The following GRAP2 variants were observed in gnomAD, a reference collection of about 807,000 sequenced individuals.
GRAP2 encodes GRB2 related adaptor protein 2.
In GRAP2, 31 loss-of-function variants were observed where a neutral mutation model predicts 43.5. The observed-to-expected ratio is 0.71, with a 90% CI of 0.54 to 0.96. GRAP2 has a LOEUF of 0.96. Ranked by LOEUF, GRAP2 falls within the 40% of genes least tolerant of loss-of-function variation. The pLI is 0.00. For missense variants in GRAP2, 371 were observed against 424.4 expected, an observed-to-expected ratio of 0.87 and a Z score of 1.11; for synonymous variants, 156 against 164.8, an observed-to-expected ratio of 0.95 and a Z score of 0.41.
In GRAP2 at chr22:39,969,327, G is replaced by A. The variant is rs138797975; in HGVS notation, c.691-84G>A. On this transcript the variant is annotated intron_variant, in intron 6 of 7. Transcript: ENST00000344138. ...ATTCCTGGAATATACCGGCTCTGTGGATGGCATCTGAGCAAGGCACTGGGG... is the reference window on the plus strand; with the variant it reads ...ATTCCTGGAATATACCGGCTCTGTGAATGGCATCTGAGCAAGGCACTGGGG... 7.6e-6 allele frequency: 11 copies of A among 1,449,838 alleles called. No homozygotes were observed. The African/African-American group carries it at 1.4e-4, about 18-fold the overall frequency. The allele number at this position is 1,449,838 out of a possible 1,614,324, so 89.8% of individuals were successfully genotyped here. A position where few individuals can be genotyped will look rare whatever the true frequency, so the allele number is the denominator to read the frequency against.
intron 2 of GRAP2, among the ~76,000 whole-genome samples, chr22:39,949,701 G>A (rs1053557673): frequency 6.6e-6 from 1 of 152,156 alleles, no homozygotes; most frequent in African/African-American, 2.4e-5. Context: ...AGCAAGTGGA[G>A]GTAGTATCCA....
chr22:39,965,027 G>C (rs2067158009), intron 4 of GRAP2, among the ~76,000 whole-genome samples: 1 of 152,240 alleles, frequency 6.6e-6, no homozygotes, highest in Non-Finnish European at 1.5e-5. Flanking sequence ...ACCTCTGTGA[G>C]CCTCAGTGTC....
At chr22:39,944,375 G>A (rs866059960) in intron 1 of GRAP2, among the ~76,000 whole-genome samples, 1 of 152,140 alleles carries the variant, frequency 6.6e-6, no homozygotes, top group Non-Finnish European at 1.5e-5. Flanking sequence ...ACTACTAGGG[G>A]TGCTTCAAGG....
intron 2 of GRAP2, among the ~76,000 whole-genome samples, chr22:39,953,688 C>T (rs888747600): frequency 7.2e-5 from 11 of 152,222 alleles, no homozygotes; most frequent in African/African-American, 2.2e-4. Context: ...GAGCTCACTA[C>T]AGCCTTTAAC....
At chr22:39,960,525 G>A in intron 4 of GRAP2, 2 of 217,416 alleles carry the variant, frequency 9.2e-6, no homozygotes, top group Non-Finnish European at 1.9e-5. Context: ...TGGAAGGAAG[G>A]AGGGATAGGA....
chr22:39,961,521 A>C (rs142782895), intron 4 of GRAP2, among the ~76,000 whole-genome samples: 1 of 152,342 alleles, frequency 6.6e-6, no homozygotes, highest in East Asian at 1.9e-4. Context: ...ACAGAGGGCC[A>C]GGAGTGGGGG....
intron 4 of GRAP2, 180 bp downstream of exon 4, chr22:39,960,354 C>CA: frequency 1.6e-6 from 1 of 622,824 alleles, no homozygotes; most frequent in Non-Finnish European, 2.9e-6. Context: ...AACATGCACA[C>CA]ACCACTCTTT....
chr22:39,958,753 A>T (rs1263814682), intron 3 of GRAP2, among the ~76,000 whole-genome samples: 1 of 152,048 alleles, frequency 6.6e-6, no homozygotes, highest in African/African-American at 2.4e-5. Context: ...TGCATACTCC[A>T]TTCCTCTTCC....
rs970372369 is a variant in GRAP2 at position 39,942,513 on chromosome 22, G to A, written c.-14-4580G>A. ...AAAAATTATTTGTTGGCTGGACCAC[G>A]GTGGCTCATGCCTCTAATCCCAGAA... On this transcript the variant is annotated intron_variant, in intron 1 of 7. Transcript: ENST00000344138. Among the ~76,000 whole-genome samples, 8 of 152,154 alleles carry A rather than the reference G, an allele frequency of 5.3e-5. No homozygotes were observed. In the East Asian group the frequency reaches 1.5e-3, roughly 29 times the overall value.
intron 6 of GRAP2, chr22:39,968,717 A>C (rs1476578435): frequency 5.8e-6 from 1 of 172,790 alleles, no homozygotes; most frequent in Non-Finnish European, 1.2e-5. Context: ...CGGCTTACTG[A>C]GATGGACAAT....
chr22:39,904,640 A>G (rs1357758255), intron 1 of GRAP2, among the ~76,000 whole-genome samples: 1 of 152,226 alleles, frequency 6.6e-6, no homozygotes, highest in Non-Finnish European at 1.5e-5. Context: ...CAATTCCATC[A>G]TTAGGCCTAA....
At chr22:39,959,941 C>A in intron 3 of GRAP2, 114 bp from the exon 4 acceptor site, 1 of 910,248 alleles carries the variant, frequency 1.1e-6, no homozygotes, top group Non-Finnish European at 1.8e-6. Flanking sequence ...TCTCTCTGCT[C>A]CCTACTGTAC....
At chr22:39,933,813 C>T (rs1275610222) in intron 1 of GRAP2, among the ~76,000 whole-genome samples, 7 of 151,422 alleles carry the variant, frequency 4.6e-5, no homozygotes, top group African/African-American at 9.7e-5. Context: ...TGCACTCCAA[C>T]CTGAGCAACA....
chr22:39,910,526 A>G (rs2066553808), intron 1 of GRAP2, among the ~76,000 whole-genome samples: 1 of 151,756 alleles, frequency 6.6e-6, no homozygotes, highest in Admixed American at 6.6e-5. Context: ...CTCCTGCCTC[A>G]GCCTCCCGAG....
chr22:39,952,228 TG>T (rs1425171516), intron 2 of GRAP2, among the ~76,000 whole-genome samples: 1 of 152,038 alleles, frequency 6.6e-6, no homozygotes, highest in African/African-American at 2.4e-5. Context: ...GGTTTTGCCA[TG>T]TTGGCCAGGC....
chr22:39,936,917 T>G (rs1224165834), intron 1 of GRAP2, among the ~76,000 whole-genome samples: 4 of 152,178 alleles, frequency 2.6e-5, no homozygotes, highest in African/African-American at 9.7e-5. Flanking sequence ...TCTTGAATGT[T>G]TTGGCTAAAG....
At chr22:39,918,770 T>G (rs2066624945) in intron 1 of GRAP2, among the ~76,000 whole-genome samples, 1 of 152,210 alleles carries the variant, frequency 6.6e-6, no homozygotes, top group Non-Finnish European at 1.5e-5. Flanking sequence ...TCCTGCCTTT[T>G]GAGAGAAGAT....
intron 4 of GRAP2, among the ~76,000 whole-genome samples, chr22:39,965,684 G>A (rs979663377): frequency 2.0e-5 from 3 of 152,194 alleles, no homozygotes; most frequent in East Asian, 1.9e-4. Context: ...TCTCTTTGTC[G>A]TTAAGTCACT....
chr22:39,952,921 C>T (rs897904046), intron 2 of GRAP2, among the ~76,000 whole-genome samples: 1 of 152,148 alleles, frequency 6.6e-6, no homozygotes, highest in Admixed American at 6.5e-5. Context: ...TTATTATCTC[C>T]ATTTTTCAAA....
Sources: allele counts gnomAD v4.1 joint callset (sites outside exome capture counted in the v4.1 genomes callset), GRCh38; gene constraint gnomAD v4.1.1; transcripts MANE v1.5; gene names NCBI Gene and HGNC (gene_info 2026-07-23, HGNC 2026-07-21).